Variants in BRD8 observed in about 807,000 individuals in gnomAD.
The protein encoded by BRD8 is bromodomain-containing protein 8.
Under a neutral mutation model 143.1 loss-of-function variants are expected in BRD8, and 67 were observed. The observed-to-expected ratio is 0.47, with a 90% confidence interval of 0.38 to 0.57. The LOEUF (loss-of-function observed/expected upper bound fraction) is 0.57. Among genes scored for constraint, BRD8 ranks in the 20% least tolerant of loss-of-function variants. The pLI, the probability that BRD8 is intolerant of heterozygous loss-of-function variation, is 0.00. For missense variants in BRD8, 1,103 were observed against 1,503.0 expected (o/e 0.73, Z 4.40); for synonymous variants, 505 against 517.1 (o/e 0.98, Z 0.32).
chr5:138,168,808 A>G (rs1753644022), intron 8 of BRD8: 1 of 649,604 alleles, frequency 1.5e-6, no homozygotes, highest in Non-Finnish European at 2.7e-6. Context: ...TTGCCCAGAA[A>G]CCCTCTATCC....
At chr5:138,177,806 C>G in intron 1 of BRD8, 139 bp from the exon 2 acceptor site, 1 of 492,092 alleles carries the variant, frequency 2.0e-6, no homozygotes, top group Non-Finnish European at 3.6e-6. Flanking sequence ...GCTACTATAA[C>G]CAAATCTTGA....
chr5:138,152,470 GCTCA>G lies in BRD8; in HGVS notation c.2856+8_2856+11del, dbSNP rs1242335697. 3 of 1,612,638 alleles carry G rather than the reference GCTCA, an allele frequency of 1.9e-6. No individual in the cohort carries two copies. Among genetic ancestry groups the G allele is most frequent in the Non-Finnish European group, 2.5e-6 (3 of 1,179,284 alleles). ...GGCTTTTCCAGCTTTGGAAATAAGA[GCTCA>G]CTGTTACCTCAGAGAGAAAGTGGAG... On this transcript the variant is annotated splice_region_variant and intron_variant, in intron 21 of 26. Coordinates refer to ENST00000254900, the MANE Select transcript of BRD8 (RefSeq NM_139199.2).
Position 138,169,088 on chromosome 5 carries a change from T to C in BRD8, c.642+134A>G. On this transcript the variant is annotated intron_variant, in intron 8 of 26. Coordinates refer to ENST00000254900, the MANE Select transcript of BRD8 (RefSeq NM_139199.2). Reference sequence around the variant, plus strand: ...CGTTCTTATCTCAGAGCACAGAACATGGTAAATTAAGTCTTTAGCATTCAG... The same window carrying C: ...CGTTCTTATCTCAGAGCACAGAACACGGTAAATTAAGTCTTTAGCATTCAG... The C allele has an allele frequency of 6.2e-6, 6 of 965,434 alleles. No individual in the cohort carries two copies. In the Admixed American group the frequency reaches 1.1e-4, roughly 18 times the overall value. The allele number at this position is 965,434 out of a possible 1,614,324, so 59.8% of individuals were successfully genotyped here. A position where few individuals can be genotyped will look rare whatever the true frequency, so the allele number is the denominator to read the frequency against.
chr5:138,142,759 C>CA (rs35529846), intron 25 of BRD8, among the ~76,000 whole-genome samples: 4,043 of 83,620 alleles, frequency 0.048, 85 homozygotes, highest in African/African-American at 0.064. Context: ...AAGACTGTCT[C>CA]AAAAAAAAAA....
chr5:138,173,980 T>C (rs1324465221), intron 2 of BRD8, among the ~76,000 whole-genome samples: 2 of 152,162 alleles, frequency 1.3e-5, no homozygotes, highest in Non-Finnish European at 2.9e-5. Flanking sequence ...CCCAGCCCCA[T>C]TCTATTCTCT....
rs1228493459 is a variant in BRD8, at chr5:138,163,356, T to C, written c.1873-12A>G. 1 of 1,612,222 alleles carries C rather than the reference T, an allele frequency of 6.2e-7. No individual in the cohort carries two copies. Among genetic ancestry groups the C allele is most frequent in the Non-Finnish European group, 8.5e-7 (1 of 1,178,480 alleles). On this transcript the variant is annotated splice_polypyrimidine_tract_variant and intron_variant, in intron 14 of 26. Coordinates refer to ENST00000254900, the MANE Select transcript of BRD8 (RefSeq NM_139199.2). ...TCACCTGGGGCATCCTTAGATACAG[T>C]ATGCTCCAGTTAACAAATGCAAGCA...
chr5:138,165,283 G>A, intron 11 of BRD8, 117 bp from the exon 12 acceptor site: 1 of 1,126,724 alleles, frequency 8.9e-7, no homozygotes, highest in Non-Finnish European at 1.3e-6. Flanking sequence ...TTTTTTCCAT[G>A]TAGTGGAGGC....
intron 25 of BRD8, among the ~76,000 whole-genome samples, chr5:138,144,406 C>T (rs217262): frequency 0.99 from 150,692 of 152,184 alleles, 74,628 homozygotes; most frequent in Middle Eastern, 1. Flanking sequence ...AGCTTCATTC[C>T]TGAAGTCAGC....
chr5:138,143,302 A>C (rs992548291), intron 25 of BRD8, among the ~76,000 whole-genome samples: 6 of 152,064 alleles, frequency 3.9e-5, no homozygotes, highest in African/African-American at 1.4e-4. Flanking sequence ...ATAGTAAGTA[A>C]AAATTTAAAA....
In BRD8 at chr5:138,166,038, G is replaced by A; in HGVS notation, c.1068C>T (p.Asp356=). The change falls in exon 11 of 27, where the codon GAC becomes GAT. Residue 356 remains aspartate, a synonymous_variant. Transcript: ENST00000254900. ...GDPHTVTVSM[D]SSEISMIINS... is the part of the protein sequence containing the mutation. Reference sequence around the variant, plus strand: ...TGATGATCATGGATATTTCACTGCTGTCCATGGAAACAGTCACAGTATGTG... The same window carrying A: ...TGATGATCATGGATATTTCACTGCTATCCATGGAAACAGTCACAGTATGTG... 6.2e-7 allele frequency: 1 copy of A among 1,613,926 alleles called. No individual in the cohort carries two copies. Among genetic ancestry groups the A allele is most frequent in the Non-Finnish European group, 8.5e-7 (1 of 1,179,810 alleles).
chr5:138,176,183 A>G (rs1754318758), intron 2 of BRD8, among the ~76,000 whole-genome samples: 1 of 152,170 alleles, frequency 6.6e-6, no homozygotes. Context: ...TACATGCTAC[A>G]TAAGAATGAA....
intron 4 of BRD8, 56 bp downstream of exon 4, chr5:138,171,305 T>G (rs960261031): frequency 6.8e-7 from 1 of 1,463,272 alleles, no homozygotes; most frequent in Non-Finnish European, 9.5e-7. Context: ...CCAGAATTCC[T>G]CAGTAAATAC....
chr5:138,171,532 G>A, intron 3 of BRD8, 122 bp from the exon 4 acceptor site: 2 of 669,390 alleles, frequency 3.0e-6, no homozygotes, highest in Admixed American at 5.2e-5. Context: ...GACGGGAGTG[G>A]TTTACTAGGA....
intron 20 of BRD8, among the ~76,000 whole-genome samples, chr5:138,153,919 A>G (rs898471465): frequency 4.0e-5 from 6 of 151,266 alleles, no homozygotes; most frequent in African/African-American, 1.5e-4. Context: ...CAGGGGATCC[A>G]CCCACCTTTG....
At chr5:138,168,334 T>TA in intron 8 of BRD8, 1 of 729,562 alleles carries the variant, frequency 1.4e-6, no homozygotes, top group Non-Finnish European at 2.3e-6. Context: ...ACTGTATTTT[T>TA]AAAAAATTAA....
rs979581251 is a variant in BRD8, at chr5:138,157,133, C to G, written c.2577+2422G>C. 5.6e-6 allele frequency: 9 copies of G among 1,599,758 alleles called. No individual in the cohort carries two copies. The East Asian group carries it at 1.3e-4, about 24-fold the overall frequency. ...TCTTCTGTAACTTCCACCTCTGGAACTGGGCCCGCAAGCCCAAGCTCTATC... is the reference window on the plus strand; with the variant it reads ...TCTTCTGTAACTTCCACCTCTGGAAGTGGGCCCGCAAGCCCAAGCTCTATC... On this transcript the variant is annotated intron_variant, in intron 20 of 26. Transcript: ENST00000254900.
At chr5:138,143,186 G>C (rs1751983791) in intron 25 of BRD8, among the ~76,000 whole-genome samples, 1 of 152,182 alleles carries the variant, frequency 6.6e-6, no homozygotes, top group African/African-American at 2.4e-5. Context: ...TAGGGAGGCT[G>C]AGGTGGAAGG....
At chr5:138,159,754 A>C (rs1189842447) in intron 19 of BRD8, among the ~76,000 whole-genome samples, 155 bp from the exon 20 acceptor site, 2 of 152,188 alleles carry the variant, frequency 1.3e-5, no homozygotes, top group African/African-American at 4.8e-5. Context: ...CAATCTGTCC[A>C]TTACGCCTCT....
intron 20 of BRD8, among the ~76,000 whole-genome samples, chr5:138,155,678 G>A (rs1177217320): frequency 6.0e-5 from 9 of 149,702 alleles, no homozygotes; most frequent in Admixed American, 2.0e-4. Context: ...CCACAGGTGC[G>A]TGCCACCACA....
Sources: allele counts gnomAD v4.1 joint callset (sites outside exome capture counted in the v4.1 genomes callset), GRCh38; gene constraint gnomAD v4.1.1; transcripts MANE v1.5; gene names NCBI Gene and HGNC (gene_info 2026-07-23, HGNC 2026-07-21).